Variants in UBE2O observed in about 807,000 individuals in gnomAD.
UBE2O encodes ubiquitin conjugating enzyme E2 O, also known as (E3-independent) E2 ubiquitin-conjugating enzyme.
Under a neutral mutation model 125.8 loss-of-function variants are expected in UBE2O, and 15 were observed. The ratio of observed to expected loss-of-function variants is 0.12; its 90% CI spans 0.08 to 0.18. The LOEUF is 0.18. Among genes scored for constraint, UBE2O ranks in the 10% least tolerant of loss-of-function variants. UBE2O has a pLI of 1.00. For missense variants in UBE2O, 1,280 were observed against 1,723.6 expected, an observed-to-expected ratio of 0.74 and a Z score of 4.56; for synonymous variants, 708 against 703.2, an observed-to-expected ratio of 1.01 and a Z score of -0.11.
At position 76,390,641 on chromosome 17, in the gene UBE2O, G is replaced by A. The variant is rs573269550; in HGVS notation, c.*302C>T. On this transcript the variant is annotated 3_prime_UTR_variant, in exon 18 of 18. Coordinates refer to ENST00000319380, the MANE Select transcript of UBE2O (RefSeq NM_022066.4). ...CCTGGAACACCCGCCTCTGACCTGAGAAGGGGCAGCAAGGGAGCAAGTGCC... is the reference window on the plus strand; with the variant it reads ...CCTGGAACACCCGCCTCTGACCTGAAAAGGGGCAGCAAGGGAGCAAGTGCC... 2 of 306,066 alleles carry A rather than the reference G, an allele frequency of 6.5e-6. No homozygotes were observed. The highest frequency in any genetic ancestry group is 6.6e-5 in the East Asian group (1 of 15,108). 19.0% of individuals were successfully genotyped at this position (306,066 alleles called of 1,614,324 possible).
intron 1 of UBE2O, among the ~76,000 whole-genome samples, chr17:76,436,579 G>A (rs1198239220): frequency 6.6e-6 from 1 of 151,944 alleles, no homozygotes; most frequent in Non-Finnish European, 1.5e-5. Flanking sequence ...GATGCCTCCA[G>A]GCCCCTGCCC....
chr17:76,396,320 T>C lies in UBE2O; in HGVS notation c.2617A>G (p.Ile873Val). 5.6e-6 allele frequency: 9 copies of C among 1,614,224 alleles called. No individual in the cohort carries two copies. The highest frequency in any genetic ancestry group is 7.6e-6 in the Non-Finnish European group (9 of 1,180,028). ...NLKKTLDNVA[I>V]VEEEKMEAVP... Reference sequence around the variant, plus strand: ...GCTTCCATCTTCTCCTCCTCTACAATGGCCACATTGTCCAGGGTCTTCTTG... The same window carrying C: ...GCTTCCATCTTCTCCTCCTCTACAACGGCCACATTGTCCAGGGTCTTCTTG... Residue 873 changes from isoleucine to valine, a missense_variant, in exon 14 of 18, where the codon ATT becomes GTT. Around this residue, in one of 10 missense-constraint regions of UBE2O, gnomAD observed 116 missense variants for 154.8 expected, o/e 0.75. Transcript: ENST00000319380. The surrounding 1 kb of genome is among the most constrained non-coding windows in gnomAD (Gnocchi z 6.7).
At chr17:76,446,875 T>C (rs1179126388) in intron 1 of UBE2O, among the ~76,000 whole-genome samples, 1 of 152,196 alleles carries the variant, frequency 6.6e-6, no homozygotes, top group African/African-American at 2.4e-5. Context: ...TGAGGGGCAG[T>C]CAAAGGTTCT....
intron 1 of UBE2O, among the ~76,000 whole-genome samples, chr17:76,439,275 A>G (rs2073044600): frequency 6.6e-6 from 1 of 152,164 alleles, no homozygotes; most frequent in African/African-American, 2.4e-5. Context: ...CTTTGTTGTT[A>G]TCGTTATTTA....
Position 76,402,170 on chromosome 17 carries a change from G to C in UBE2O, c.687-43C>G. 1 of 1,597,502 alleles carries C rather than the reference G, an allele frequency of 6.3e-7. No individual in the cohort carries two copies. ...GGTTTGGTCTCCACCAGGGGACACAGTGAGTACCAAAAAGTTGCGATTCTG... is the reference window on the plus strand; with the variant it reads ...GGTTTGGTCTCCACCAGGGGACACACTGAGTACCAAAAAGTTGCGATTCTG... On this transcript the variant is annotated intron_variant, in intron 4 of 17. Coordinates refer to ENST00000319380, the MANE Select transcript of UBE2O (RefSeq NM_022066.4). The surrounding 1 kb of genome is among the most constrained non-coding windows in gnomAD (Gnocchi z 5.4).
Position 76,404,968 on chromosome 17 carries a change from A to T in UBE2O, c.588+238T>A, listed in dbSNP as rs2072390650. Among the ~76,000 whole-genome samples, 1 of 152,152 alleles carries T rather than the reference A, an allele frequency of 6.6e-6. No homozygotes were observed. The highest frequency in any genetic ancestry group is 1.5e-5 in the Non-Finnish European group (1 of 68,036). ...GAGAAAGGAAAAACACTTAAAGATAACCACACTGGCAGCCTATGCTGGGGT... is the reference window on the plus strand; with the variant it reads ...GAGAAAGGAAAAACACTTAAAGATATCCACACTGGCAGCCTATGCTGGGGT... On this transcript the variant is annotated intron_variant, in intron 3 of 17. Coordinates refer to ENST00000319380, the MANE Select transcript of UBE2O (RefSeq NM_022066.4). This position sits in a 1 kb window ranked among gnomAD's most constrained non-coding sequence, Gnocchi z 4.3.
At chr17:76,446,716 GC>G (rs754071367) in intron 1 of UBE2O, among the ~76,000 whole-genome samples, 14 of 152,222 alleles carry the variant, frequency 9.2e-5, no homozygotes, top group Non-Finnish European at 1.8e-4. Context: ...TCCTAATGGA[GC>G]TGACCACTTC....
At chr17:76,435,638 A>G (rs1427890996) in intron 1 of UBE2O, among the ~76,000 whole-genome samples, 1 of 152,192 alleles carries the variant, frequency 6.6e-6, no homozygotes, top group East Asian at 1.9e-4. Context: ...GATCTCGTGC[A>G]ATCCCCAGTA....
Position 76,405,339 on chromosome 17 carries a change from A to G in UBE2O, c.478-23T>C. On this transcript the variant is annotated intron_variant, in intron 2 of 17. Transcript: ENST00000319380. This position sits in a 1 kb window ranked among gnomAD's most constrained non-coding sequence, Gnocchi z 6.1. ...GTCCTGGGGGAGGGAGGAGACATGC[A>G]AGTCCCGTGGTGCAGCAGCCCTGGT... 1 of 1,592,990 alleles carries G rather than the reference A, an allele frequency of 6.3e-7. No homozygotes were observed.
rs114864549 is a variant in UBE2O at position 76,404,574 on chromosome 17, G to A, written c.588+632C>T. Among the ~76,000 whole-genome samples the A allele has an allele frequency of 2.5e-3, 386 of 152,326 alleles. 6 individuals carry two copies. The highest frequency in any genetic ancestry group is 8.4e-3 in the African/African-American group (350 of 41,562). The stretch of plus-strand genomic sequence containing the variant: ...GCAAAGAAGAAAAGAGTAGTGTTGG[G>A]ACAACTGCATGTGGTCTGTGGACTG... On this transcript the variant is annotated intron_variant, in intron 3 of 17. Transcript: ENST00000319380. The surrounding 1 kb of genome is among the most constrained non-coding windows in gnomAD (Gnocchi z 4.3).
chr17:76,434,143 T>C (rs960307543), intron 1 of UBE2O, among the ~76,000 whole-genome samples: 10 of 152,178 alleles, frequency 6.6e-5, no homozygotes, highest in Non-Finnish European at 1.5e-4. Flanking sequence ...CGTAAGCCTC[T>C]CTGGGCCTGA....
In UBE2O at chr17:76,390,973, T is replaced by C. The variant is rs760063110; in HGVS notation, c.3849A>G (p.Ala1283=). ...LTQFRAALLE[A]GMPECTEDK ...TGTCCTCTGTGCACTCCGGCATGCC[T>C]GCCTCTAGCAGGGCAGCCCGGAACT... Residue 1283 remains alanine (A), a synonymous_variant, in exon 18 of 18, where the codon GCA becomes GCG. Transcript: ENST00000319380. The C allele has an allele frequency of 1.2e-6, 2 of 1,612,010 alleles. No individual in the cohort carries two copies. The highest frequency in any genetic ancestry group is 1.7e-5 in the Admixed American group (1 of 59,874).
intron 1 of UBE2O, among the ~76,000 whole-genome samples, chr17:76,418,454 G>A (rs1488271521): frequency 6.6e-6 from 1 of 152,204 alleles, no homozygotes; most frequent in African/African-American, 2.4e-5. Flanking sequence ...GGGCAATGGT[G>A]GAAGCCAACA....
chr17:76,398,837 C>T lies in UBE2O; in HGVS notation c.1783G>A (p.Val595Ile). Residue 595 changes from valine to isoleucine, a missense_variant and splice_region_variant, in exon 10 of 18, where the codon GTC becomes ATC. This residue lies in a region of UBE2O where 145 missense variants were observed against 219.6 expected (regional missense o/e 0.66). Transcript: ENST00000319380. The surrounding 1 kb of genome is among the most constrained non-coding windows in gnomAD (Gnocchi z 5.4). The stretch of plus-strand genomic sequence containing the variant: ...GCTGCCCTTCCAGAGCTGGCACTAC[C>T]TCGCTTATCTACCACGAAGTCTCCA... ...CPGDFVVDKR[V>I]QSCPDPAVYG... 6.2e-7 allele frequency: 1 copy of T among 1,613,462 alleles called. No homozygotes were observed. Among genetic ancestry groups the T allele is most frequent in the Non-Finnish European group, 8.5e-7 (1 of 1,179,660 alleles).
At chr17:76,417,408 G>C (rs983617779) in intron 1 of UBE2O, among the ~76,000 whole-genome samples, 1 of 152,264 alleles carries the variant, frequency 6.6e-6, no homozygotes, top group Non-Finnish European at 1.5e-5. Context: ...AAAATTTCAT[G>C]TATGGGCACA....
At position 76,396,868 on chromosome 17, in the gene UBE2O, TC is replaced by T. The variant is rs2072219616; in HGVS notation, c.2116-48del. Reference sequence around the variant, plus strand: ...CAGGGTAAGCAGACAGGAAGTCACCTCCCCACCACTAAGGAGGAGCTCTGGG... The same window carrying T: ...CAGGGTAAGCAGACAGGAAGTCACCTCCCACCACTAAGGAGGAGCTCTGGG... On this transcript the variant is annotated intron_variant, in intron 13 of 17. Coordinates refer to ENST00000319380, the MANE Select transcript of UBE2O (RefSeq NM_022066.4). This position sits in a 1 kb window ranked among gnomAD's most constrained non-coding sequence, Gnocchi z 6.7. The T allele has an allele frequency of 6.7e-7, 1 of 1,496,274 alleles. No homozygotes were observed. Among genetic ancestry groups the T allele is most frequent in the East Asian group, 2.3e-5 (1 of 43,802 alleles). 92.7% of individuals were successfully genotyped at this position (1,496,274 alleles called of 1,614,324 possible). A position where few individuals can be genotyped will look rare whatever the true frequency, so the allele number is the denominator to read the frequency against.
chr17:76,408,950 T>C (rs543029900), intron 1 of UBE2O, among the ~76,000 whole-genome samples: 1 of 152,120 alleles, frequency 6.6e-6, no homozygotes, highest in East Asian at 1.9e-4. Flanking sequence ...TCAGAGTTGG[T>C]GAGCTATTTA....
intron 1 of UBE2O, among the ~76,000 whole-genome samples, chr17:76,449,646 C>T (rs1029111691): frequency 2.0e-5 from 3 of 152,028 alleles, no homozygotes; most frequent in East Asian, 1.9e-4. Context: ...CGGGCGGGTG[C>T]GGTGGCTCCT....
At position 76,390,876 on chromosome 17, in the gene UBE2O, C is replaced by CG. The variant is rs1177529104; in HGVS notation, c.*66dup. ...AGGGGCATGGGAAGAGGGGTGATTC[C>CG]GGGGGGGAGTGAGCAGGCGGCGGCT... On this transcript the variant is annotated 3_prime_UTR_variant, in exon 18 of 18. Coordinates refer to ENST00000319380, the MANE Select transcript of UBE2O (RefSeq NM_022066.4). The CG allele has an allele frequency of 3.5e-5, 52 of 1,486,236 alleles. 1 individual carries two copies. Among genetic ancestry groups the CG allele is most frequent in the East Asian group, 2.3e-4 (10 of 43,970 alleles). 92.1% of individuals were successfully genotyped at this position (1,486,236 alleles called of 1,614,324 possible).
Sources: allele counts gnomAD v4.1 joint callset (sites outside exome capture counted in the v4.1 genomes callset), GRCh38; gene constraint gnomAD v4.1.1; regional missense constraint gnomAD v4.1.1; non-coding constraint Gnocchi (gnomAD v3.1); transcripts MANE v1.5; gene names NCBI Gene and HGNC (gene_info 2026-07-23, HGNC 2026-07-21).